The following TDRD3 variants were observed in gnomAD, a reference collection of about 807,000 sequenced individuals.
TDRD3 encodes tudor domain-containing protein 3.
In TDRD3, 45 loss-of-function variants were observed where a neutral mutation model predicts 86.7. The ratio of observed to expected loss-of-function variants is 0.52; its 90% CI spans 0.41 to 0.67. TDRD3 has a LOEUF of 0.67. TDRD3 is among the 30% of genes least tolerant of loss of function. The probability of loss-of-function intolerance (pLI) is 0.00; values close to 1 mark genes in which losing one functional copy is unlikely to be tolerated. For synonymous variants in TDRD3, 298 were observed against 301.7 expected (o/e 0.99, Z 0.13); for missense variants, 814 against 889.0 (o/e 0.92, Z 1.07).
At chr13:60,467,910 C>G (rs899415620) in intron 5 of TDRD3, among the ~76,000 whole-genome samples, 5 of 152,096 alleles carry the variant, frequency 3.3e-5, no homozygotes, top group Middle Eastern at 3.2e-3. Flanking sequence ...TTCCAACAAC[C>G]ATTTCTGTTG....
chr13:60,417,044 T>C (rs543168838), intron 1 of TDRD3, among the ~76,000 whole-genome samples: 1 of 149,632 alleles, frequency 6.7e-6, no homozygotes, highest in East Asian at 2.0e-4. Flanking sequence ...TGAGTCCAGG[T>C]CTTATTCTGC....
upstream of TDRD3, among the ~76,000 whole-genome samples, chr13:60,395,965 G>C (rs1225527464): frequency 6.6e-6 from 1 of 152,128 alleles, no homozygotes; most frequent in Non-Finnish European, 1.5e-5. Context: ...AAAGCATCGC[G>C]ATTTTATAAC....
intron 11 of TDRD3, 47 bp from the exon 12 acceptor site, chr13:60,535,061 A>G (rs1957669496): frequency 1.6e-5 from 25 of 1,604,344 alleles, no homozygotes; most frequent in Non-Finnish European, 2.0e-5. Flanking sequence ...ATTGCCCTTT[A>G]TAGACAATAC....
chr13:60,500,666 T>G (rs1308096874), intron 8 of TDRD3, among the ~76,000 whole-genome samples: 2 of 152,170 alleles, frequency 1.3e-5, no homozygotes, highest in African/African-American at 4.8e-5. Context: ...TATATACTGA[T>G]TTATGGGCTG....
In TDRD3 at chr13:60,446,930, A is replaced by G. The variant is rs547874047; in HGVS notation, c.192+2182A>G. ...CACTACTGATCCGTTACTTACTAACATTATGTAAGTTATAGTTCTTGTTTA... is the reference window on the plus strand; with the variant it reads ...CACTACTGATCCGTTACTTACTAACGTTATGTAAGTTATAGTTCTTGTTTA... On this transcript the variant is annotated intron_variant, in intron 3 of 13. Coordinates refer to ENST00000377881, the MANE Select transcript of TDRD3 (RefSeq NM_001146070.2). Among the ~76,000 whole-genome samples, 4 of 152,312 alleles carry G rather than the reference A, an allele frequency of 2.6e-5. No homozygotes were observed. In the East Asian group the frequency reaches 7.7e-4, roughly 29 times the overall value.
intron 5 of TDRD3, 100 bp from the exon 6 acceptor site, chr13:60,483,675 T>C (rs1956365441): frequency 1.9e-6 from 2 of 1,047,086 alleles, no homozygotes; most frequent in Admixed American, 2.8e-5. Context: ...CTATTTCTTA[T>C]AAGAATCTAC....
chr13:60,434,271 A>G (rs1051863511), intron 1 of TDRD3, among the ~76,000 whole-genome samples: 3 of 152,030 alleles, frequency 2.0e-5, no homozygotes, highest in Admixed American at 1.3e-4. Flanking sequence ...GGAGTTGGAG[A>G]CCAGCCTCTG....
In TDRD3 at chr13:60,573,723, T is replaced by G. The variant is rs988226674; in HGVS notation, c.*117T>G. On this transcript the variant is annotated 3_prime_UTR_variant, in exon 14 of 14. Transcript: ENST00000377881. Reference sequence around the variant, plus strand: ...AGTAGCTGTGGTGGATATTATTATTTGAAGAAAGAAAAAACAGATTTTAGG... The same window carrying G: ...AGTAGCTGTGGTGGATATTATTATTGGAAGAAAGAAAAAACAGATTTTAGG... 1 of 918,832 alleles carries G rather than the reference T, an allele frequency of 1.1e-6. No individual in the cohort carries two copies. The highest frequency in any genetic ancestry group is 1.8e-5 in the African/African-American group (1 of 56,016). The allele number at this position is 918,832 out of a possible 1,614,324, so 56.9% of individuals were successfully genotyped here. A position where few individuals can be genotyped will look rare whatever the true frequency, so the allele number is the denominator to read the frequency against.
intron 8 of TDRD3, among the ~76,000 whole-genome samples, chr13:60,497,042 A>G (rs1304589369): frequency 6.6e-6 from 1 of 152,206 alleles, no homozygotes; most frequent in African/African-American, 2.4e-5. Flanking sequence ...GGACTTAGCC[A>G]TACAGGAACA....
intron 8 of TDRD3, among the ~76,000 whole-genome samples, chr13:60,497,029 C>T (rs9538721): frequency 0.15 from 23,368 of 152,126 alleles, 2,244 homozygotes; most frequent in South Asian, 0.28. Flanking sequence ...TAGGACGAAC[C>T]GGGGACTTAG....
rs142950105 is a variant in TDRD3, at chr13:60,529,077, A to G, written c.1852A>G (p.Ile618Val). Residue 618 changes from isoleucine (I) to valine (V), a missense_variant, in exon 11 of 14, where the codon ATA becomes GTA. Physicochemically the swap from Ile to Val is conservative, Grantham distance 29. Transcript: ENST00000377881. ...CACAGCTGTACCCTGTGATGATAAA[A>G]TATTTTACAATAGTGGGCCCAAACG... ...PVTAVPCDDK[I>V]FYNSGPKRRS... The G allele has an allele frequency of 1.0e-4, 164 of 1,614,082 alleles. No individual in the cohort carries two copies. Among genetic ancestry groups the G allele is most frequent in the South Asian group, 6.0e-4 (55 of 91,082 alleles).
At chr13:60,449,003 A>G (rs1174656506) in intron 3 of TDRD3, among the ~76,000 whole-genome samples, 1 of 152,104 alleles carries the variant, frequency 6.6e-6, no homozygotes, top group Non-Finnish European at 1.5e-5. Context: ...CAGGTTGTAT[A>G]TACCTTTTTA....
intron 4 of TDRD3, among the ~76,000 whole-genome samples, chr13:60,461,560 T>G (rs1009163173): frequency 6.6e-6 from 1 of 152,158 alleles, no homozygotes; most frequent in Non-Finnish European, 1.5e-5. Flanking sequence ...CGTTTGCAGC[T>G]CGGGCTCCTC....
At chr13:60,454,313 C>G (rs1443637087) in intron 3 of TDRD3, among the ~76,000 whole-genome samples, 1 of 152,002 alleles carries the variant, frequency 6.6e-6, no homozygotes, top group Non-Finnish European at 1.5e-5. Flanking sequence ...TATAAATTTT[C>G]TAGTTTAGGC....
intron 1 of TDRD3, among the ~76,000 whole-genome samples, chr13:60,433,024 T>C (rs893662553): frequency 1.3e-5 from 2 of 152,148 alleles, no homozygotes; most frequent in African/African-American, 2.4e-5. Context: ...TGTCCAGATA[T>C]CTTCTTATTT....
At chr13:60,397,698 G>A (rs1427832828) in intron 1 of TDRD3, among the ~76,000 whole-genome samples, 3 of 149,780 alleles carry the variant, frequency 2.0e-5, no homozygotes, top group African/African-American at 7.3e-5. Context: ...GAGCCGGGCG[G>A]GTGGCGGCCC....
At chr13:60,487,644 G>GTA (rs1457046416) in intron 7 of TDRD3, among the ~76,000 whole-genome samples, 1 of 152,136 alleles carries the variant, frequency 6.6e-6, no homozygotes, top group East Asian at 1.9e-4. Context: ...AAGGATGACT[G>GTA]TATACCACGT....
chr13:60,568,411 C>T (rs540838537), intron 13 of TDRD3, among the ~76,000 whole-genome samples: 35 of 152,278 alleles, frequency 2.3e-4, no homozygotes, highest in African/African-American at 3.6e-4. Flanking sequence ...ATTTTTCTTA[C>T]GGCATGGAAT....
At chr13:60,494,319 G>T in intron 7 of TDRD3, 116 bp from the exon 8 acceptor site, 2 of 1,115,090 alleles carry the variant, frequency 1.8e-6, no homozygotes, top group Non-Finnish European at 2.4e-6. Context: ...ATTTTTTCAT[G>T]TAAAACATAA....
Sources: gnomAD v4.1 joint callset for allele counts (sites outside exome capture counted in the v4.1 genomes callset) on GRCh38, gnomAD v4.1.1 for gene constraint, MANE v1.5 for transcripts, NCBI Gene and HGNC (gene_info 2026-07-23, HGNC 2026-07-21) for gene names.